TRPM1: variants seen among roughly 807,000 people sequenced by gnomAD.
TRPM1 encodes TRPM1-203 APA Isoform, Intron 10.
Under a neutral mutation model 149.4 loss-of-function variants are expected in TRPM1, and 113 were observed. That is an observed-to-expected ratio of 0.76 (90% CI 0.65 to 0.88). TRPM1 has a LOEUF of 0.88. TRPM1 is among the 40% of genes least tolerant of loss of function. The pLI is 0.00. For synonymous variants in TRPM1, 741 were observed against 759.5 expected, an observed-to-expected ratio of 0.98 and a Z score of 0.40; for missense variants, 1,976 against 2,038.7, an observed-to-expected ratio of 0.97 and a Z score of 0.59.
At chr15:31,082,021 T>C (rs1019666412) in intron 1 of TRPM1, among the ~76,000 whole-genome samples, 2 of 152,122 alleles carry the variant, frequency 1.3e-5, no homozygotes, top group African/African-American at 4.8e-5. Flanking sequence ...GCCAAGGTCA[T>C]AACAAATGGC....
Position 31,066,259 on chromosome 15 carries a change from C to T in TRPM1, c.619-12G>A. On this transcript the variant is annotated splice_polypyrimidine_tract_variant and intron_variant, in intron 6 of 27. Coordinates refer to ENST00000256552, the MANE Select transcript of TRPM1 (RefSeq NM_001252024.2). Reference sequence around the variant, plus strand: ...TACACTCTTGTTACCTGACAAAGTGCACAGCGCAAATCAGACCTGCAGGAC... The same window carrying T: ...TACACTCTTGTTACCTGACAAAGTGTACAGCGCAAATCAGACCTGCAGGAC... The T allele has an allele frequency of 6.2e-7, 1 of 1,614,138 alleles. No individual in the cohort carries two copies. The highest frequency in any genetic ancestry group is 1.6e-4 in the Middle Eastern group (1 of 6,062).
intron 1 of TRPM1, among the ~76,000 whole-genome samples, chr15:31,146,231 A>T (rs985717886): frequency 6.6e-6 from 1 of 152,246 alleles, no homozygotes; most frequent in African/African-American, 2.4e-5. Flanking sequence ...AACTCAAAGA[A>T]ATGCATTATC....
intron 1 of TRPM1, among the ~76,000 whole-genome samples, chr15:31,109,192 C>T (rs1333302721): frequency 6.6e-6 from 1 of 151,614 alleles, no homozygotes; most frequent in African/African-American, 2.4e-5. Flanking sequence ...TAATGGGCCA[C>T]GTGAGGTGGC....
chr15:31,090,938 C>T (rs1440846360), intron 1 of TRPM1, among the ~76,000 whole-genome samples: 2 of 152,192 alleles, frequency 1.3e-5, no homozygotes, highest in African/African-American at 2.4e-5. Flanking sequence ...GCTGATTTCT[C>T]ATGGTTTCTG....
chr15:31,085,388 G>A (rs1469608368), intron 1 of TRPM1, among the ~76,000 whole-genome samples: 1 of 152,160 alleles, frequency 6.6e-6, no homozygotes, highest in Non-Finnish European at 1.5e-5. Flanking sequence ...GGAATCATAG[G>A]GTATGTCTCT....
intron 3 of TRPM1, chr15:31,070,473 C>A: frequency 2.9e-6 from 2 of 695,704 alleles, no homozygotes; most frequent in Non-Finnish European, 5.3e-6. Flanking sequence ...GAAAATATTT[C>A]AACTTTTTGA....
Position 31,067,137 on chromosome 15 carries a change from T to C in TRPM1, c.544A>G (p.Arg182Gly). 6.2e-7 allele frequency: 1 copy of C among 1,614,168 alleles called. No homozygotes were observed. The highest frequency in any genetic ancestry group is 1.1e-5 in the South Asian group (1 of 91,032). ...DALKDHSSKSRGRVCAIGIAP... is the reference protein window; with the variant it reads ...DALKDHSSKSGGRVCAIGIAP... Reference sequence around the variant, plus strand: ...ATTCCTATAGCACAAACCCGGCCTCTGGACTTGGAGGAGTGGTCTTTCAAG... The same window carrying C: ...ATTCCTATAGCACAAACCCGGCCTCCGGACTTGGAGGAGTGGTCTTTCAAG... Residue 182 changes from arginine (R) to glycine (G), a missense_variant, in exon 6 of 28, where the codon AGA becomes GGA. Arg to Gly is a moderately radical substitution (Grantham distance 125, BLOSUM62 -2). Around this residue, in one of 3 missense-constraint regions of TRPM1, gnomAD observed 1,332 missense variants for 1,347.1 expected, o/e 0.99. Transcript: ENST00000256552.
At chr15:31,111,540 A>T (rs950404443) in intron 1 of TRPM1, among the ~76,000 whole-genome samples, 1 of 152,220 alleles carries the variant, frequency 6.6e-6, no homozygotes, top group African/African-American at 2.4e-5. Context: ...TTTTGCCTCA[A>T]TCTGACTTCA....
chr15:31,009,992 T>C (rs1466638954), intron 27 of TRPM1, among the ~76,000 whole-genome samples: 1 of 152,252 alleles, frequency 6.6e-6, no homozygotes, highest in Non-Finnish European at 1.5e-5. Flanking sequence ...AAAGCCTTTG[T>C]CAGATAATTT....
chr15:31,092,335 A>G (rs2035261618), intron 1 of TRPM1, among the ~76,000 whole-genome samples: 1 of 151,872 alleles, frequency 6.6e-6, no homozygotes, highest in Non-Finnish European at 1.5e-5. Flanking sequence ...TCCTGGTTTT[A>G]CGAACGAAGA....
chr15:31,027,859 A>T (rs1349811766), intron 25 of TRPM1, among the ~76,000 whole-genome samples: 1 of 152,240 alleles, frequency 6.6e-6, no homozygotes, highest in African/African-American at 2.4e-5. Flanking sequence ...CAGGTTTTAT[A>T]AGAAACTCGA....
Position 31,038,047 on chromosome 15 carries a change from AT to A in TRPM1, c.2435del (p.Asn812IlefsTer80). On this transcript the variant is annotated frameshift_variant, in exon 19 of 28. Coordinates refer to ENST00000256552, the MANE Select transcript of TRPM1 (RefSeq NM_001252024.2). LOFTEE classifies it high-confidence loss of function. Reference protein sequence around the residue: ...NEDGKEKEEENTDANADAGSR... With the variant: ...NEDGKEKEEEXTDANADAGSR... ...TAGGGTCAAGTGTGTCACTGACCGT[AT>A]TTTCCTCTTCTTTTTCTTTGCCATC... 6.2e-7 allele frequency: 1 copy of A among 1,614,134 alleles called. No homozygotes were observed. The highest frequency in any genetic ancestry group is 8.5e-7 in the Non-Finnish European group (1 of 1,179,986).
intron 18 of TRPM1, among the ~76,000 whole-genome samples, chr15:31,039,127 G>A (rs2033526535): frequency 6.6e-6 from 1 of 151,880 alleles, no homozygotes; most frequent in South Asian, 2.1e-4. Context: ...AGTTGGCCTG[G>A]GTAGAAAATA....
At chr15:31,143,986 G>A (rs946089415) in intron 1 of TRPM1, among the ~76,000 whole-genome samples, 1 of 152,188 alleles carries the variant, frequency 6.6e-6, no homozygotes, top group African/African-American at 2.4e-5. Context: ...TGACTGGAAT[G>A]TCATATTTGA....
chr15:31,109,557 G>T (rs576980175), intron 1 of TRPM1, among the ~76,000 whole-genome samples: 3 of 150,290 alleles, frequency 2.0e-5, no homozygotes, highest in Non-Finnish European at 4.4e-5. Flanking sequence ...AAAATTAGCT[G>T]GGCGTGGTGG....
chr15:31,071,557 C>T (rs2034539771), intron 3 of TRPM1, among the ~76,000 whole-genome samples: 1 of 152,044 alleles, frequency 6.6e-6, no homozygotes, highest in African/African-American at 2.4e-5. Flanking sequence ...CTCCCTCCCA[C>T]CCTCCTTCTG....
intron 1 of TRPM1, among the ~76,000 whole-genome samples, chr15:31,122,336 AATAAG>A (rs1288288454): frequency 6.6e-6 from 1 of 152,198 alleles, no homozygotes; most frequent in Non-Finnish European, 1.5e-5. Context: ...CAGCTAATGC[AATAAG>A]ATAAGAAAAA....
chr15:31,049,414 G>T lies in TRPM1; in HGVS notation c.1533C>A (p.His511Gln). 6.2e-7 allele frequency: 1 copy of T among 1,614,212 alleles called. No individual in the cohort carries two copies. Among genetic ancestry groups the T allele is most frequent in the Non-Finnish European group, 8.5e-7 (1 of 1,180,038 alleles). ...LLIENGVNMQ[H>Q]FLTIPRLEEL... is the part of the protein sequence containing the mutation. Reference sequence around the variant, plus strand: ...CCTCCAGCCTCGGAATGGTCAGAAAGTGTTGCATGTTCACTCCGTTTTCAA... The same window carrying T: ...CCTCCAGCCTCGGAATGGTCAGAAATTGTTGCATGTTCACTCCGTTTTCAA... The change falls in exon 13 of 28, where the codon CAC becomes CAA. Residue 511 changes from histidine (H) to glutamine (Q), a missense_variant. Physicochemically the swap from His to Gln is conservative, Grantham distance 24. Around this residue, in one of 3 missense-constraint regions of TRPM1, gnomAD observed 1,332 missense variants for 1,347.1 expected, o/e 0.99. Transcript: ENST00000256552.
chr15:31,113,460 A>G (rs1260285854), intron 1 of TRPM1, among the ~76,000 whole-genome samples: 1 of 151,696 alleles, frequency 6.6e-6, no homozygotes, highest in East Asian at 1.9e-4. Context: ...TCTCTAAGGT[A>G]TAGAGATAAA....
Sources: gnomAD v4.1 joint callset for allele counts (sites outside exome capture counted in the v4.1 genomes callset) on GRCh38, gnomAD v4.1.1 for gene constraint, gnomAD v4.1.1 regional missense constraint, MANE v1.5 for transcripts, NCBI Gene and HGNC (gene_info 2026-07-23, HGNC 2026-07-21) for gene names.